Variants in SCN11A observed in about 807,000 individuals in gnomAD.
The protein encoded by SCN11A is sodium voltage-gated channel alpha subunit 11.
A neutral mutation model predicts 162.2 loss-of-function variants in SCN11A; 122 were observed. That is an observed-to-expected ratio of 0.75 (90% CI 0.65 to 0.87). SCN11A has a LOEUF of 0.87. SCN11A is among the 40% of genes least tolerant of loss of function. The pLI, the probability that SCN11A is intolerant of heterozygous loss-of-function variation, is 0.00. For synonymous variants in SCN11A, 758 were observed against 751.5 expected, an observed-to-expected ratio of 1.01 and a Z score of -0.14; for missense variants, 2,015 against 2,181.6, an observed-to-expected ratio of 0.92 and a Z score of 1.52.
intron 12 of SCN11A, among the ~76,000 whole-genome samples, chr3:38,909,701 T>C (rs1386367736): frequency 6.6e-6 from 1 of 150,854 alleles, no homozygotes. Context: ...TCCTGCCTCA[T>C]CTTTCCAAGT....
chr3:38,900,583 A>G lies in SCN11A; in HGVS notation c.1843-510T>C, dbSNP rs545673869. Among the ~76,000 whole-genome samples, 663 of 151,872 alleles carry G rather than the reference A, an allele frequency of 4.4e-3. 4 individuals are homozygous for G. Among genetic ancestry groups the G allele is most frequent in the Non-Finnish European group, 5.6e-3 (379 of 67,972 alleles). ...GATCAGAAAAATTAAAAATAAAAAC[A>G]AAAAAGGGGCACAGATCATAGAATT... On this transcript the variant is annotated intron_variant, in intron 16 of 29. Coordinates refer to ENST00000302328, the MANE Select transcript of SCN11A (RefSeq NM_001349253.2).
chr3:38,945,566 T>C, intron 6 of SCN11A, 54 bp from the exon 7 acceptor site: 2 of 1,292,860 alleles, frequency 1.5e-6, no homozygotes, highest in Non-Finnish European at 2.1e-6. Flanking sequence ...CATCATTAGC[T>C]ACTGGGTAAG....
intron 29 of SCN11A, chr3:38,849,230 C>T (rs1247909553): frequency 6.8e-6 from 1 of 146,430 alleles, no homozygotes; most frequent in Non-Finnish European, 1.5e-5. Context: ...AGGGCCTCCC[C>T]AGACATCTGA....
intron 5 of SCN11A, among the ~76,000 whole-genome samples, chr3:38,949,548 A>C (rs1438131094): frequency 6.6e-6 from 1 of 152,218 alleles, no homozygotes; most frequent in African/African-American, 2.4e-5. Flanking sequence ...TAGCCTAGAA[A>C]GCCTATTATC....
At chr3:38,872,142 T>C in intron 24 of SCN11A, 51 bp downstream of exon 24, 1 of 1,096,594 alleles carries the variant, frequency 9.1e-7, no homozygotes, top group Non-Finnish European at 1.4e-6. Flanking sequence ...TGTTGGTCTT[T>C]CCACCTTTCT....
chr3:39,000,236 A>G (rs1302730696), intron 2 of SCN11A, among the ~76,000 whole-genome samples: 4 of 152,188 alleles, frequency 2.6e-5, no homozygotes, highest in African/African-American at 9.7e-5. Flanking sequence ...TTAGCTTTGT[A>G]AGAGCTGACA....
intron 7 of SCN11A, among the ~76,000 whole-genome samples, chr3:38,927,803 G>A (rs904918077): frequency 1.3e-5 from 2 of 152,130 alleles, no homozygotes; most frequent in Non-Finnish European, 2.9e-5. Context: ...TAGCATGGGG[G>A]AAACCCTCGC....
chr3:38,870,805 T>C (rs376082229), intron 25 of SCN11A, 61 bp from the exon 26 acceptor site: 3 of 1,487,290 alleles, frequency 2.0e-6, no homozygotes, highest in African/African-American at 2.8e-5. Flanking sequence ...AACAGATACA[T>C]GGCATGGAAA....
intron 2 of SCN11A, among the ~76,000 whole-genome samples, chr3:38,985,294 AT>A (rs898413903): frequency 2.0e-5 from 3 of 148,682 alleles, no homozygotes; most frequent in African/African-American, 2.5e-5. Flanking sequence ...CGCCCGGCTA[AT>A]TTTTTTTTGT....
intron 2 of SCN11A, among the ~76,000 whole-genome samples, chr3:38,970,087 T>C (rs944185012): frequency 2.6e-5 from 4 of 151,118 alleles, no homozygotes; most frequent in Non-Finnish European, 4.4e-5. Context: ...CAGGAAAGCA[T>C]TAGTGAGCAT....
At position 38,908,850 on chromosome 3, in the gene SCN11A, G is replaced by A. The variant is rs73828707; in HGVS notation, c.1299+147C>T. ...AAAGATAGCAGCACAGCCATTCTTC[G>A]AGGGACTTATATTCTCAGAAAAGCA... On this transcript the variant is annotated intron_variant, in intron 13 of 29. Transcript: ENST00000302328. 5.1e-3 allele frequency: 3,533 copies of A among 695,402 alleles called. 93 individuals are homozygous for A. In the African/African-American group the frequency reaches 0.057, roughly 11 times the overall value. The allele number at this position is 695,402 out of a possible 1,614,324, so 43.1% of individuals were successfully genotyped here.
Position 38,904,001 on chromosome 3 carries a change from A to G in SCN11A, c.1706T>C (p.Val569Ala). Residue 569 changes from valine (V) to alanine (A), a missense_variant, in exon 16 of 30, where the codon GTC becomes GCC. By Grantham distance (64) the Val-to-Ala change is moderately conservative (BLOSUM62 0). Coordinates refer to ENST00000302328, the MANE Select transcript of SCN11A (RefSeq NM_001349253.2). ...CCPQWLCVKKVLRTVMTDPFT... is the reference protein window; with the variant it reads ...CCPQWLCVKKALRTVMTDPFT... ...CGGGTCAGTCATCACAGTTCTCAGG[A>G]CCTTCTTAACGCACAGCCACTGGGG... 2 of 1,613,668 alleles carry G rather than the reference A, an allele frequency of 1.2e-6. No individual in the cohort carries two copies. The highest frequency in any genetic ancestry group is 1.7e-6 in the Non-Finnish European group (2 of 1,179,872).
rs544690209 is a variant in SCN11A, at chr3:38,847,057, G to A, written c.5013C>T (p.Asp1671=). The A allele has an allele frequency of 1.9e-6, 3 of 1,614,120 alleles. No individual in the cohort carries two copies. The highest frequency in any genetic ancestry group is 2.7e-5 in the African/African-American group (2 of 75,020). ...KPNKYQFLVM[D]LPMVSEDRLH... ...GGCGATCTTCACTCACCATGGGCAAGTCCATTACTAGAAATTGATATTTAT... is the reference window on the plus strand; with the variant it reads ...GGCGATCTTCACTCACCATGGGCAAATCCATTACTAGAAATTGATATTTAT... Residue 1671 remains aspartate, a synonymous_variant, in exon 30 of 30, where the codon GAC becomes GAT. Coordinates refer to ENST00000302328, the MANE Select transcript of SCN11A (RefSeq NM_001349253.2).
At chr3:38,933,255 A>G (rs1392134029) in intron 7 of SCN11A, among the ~76,000 whole-genome samples, 6 of 152,204 alleles carry the variant, frequency 3.9e-5, no homozygotes, top group African/African-American at 1.4e-4. Context: ...AAAAGTAGGT[A>G]AAACCACAAA....
chr3:38,978,730 A>T (rs1489860310), intron 2 of SCN11A, among the ~76,000 whole-genome samples: 1 of 152,208 alleles, frequency 6.6e-6, no homozygotes, highest in East Asian at 1.9e-4. Context: ...AAATTTAAAC[A>T]TGATAAGGAA....
intron 2 of SCN11A, among the ~76,000 whole-genome samples, chr3:38,961,014 G>A (rs1268475149): frequency 6.6e-6 from 1 of 152,020 alleles, no homozygotes; most frequent in African/African-American, 2.4e-5. Context: ...TTTATTCCTG[G>A]GGAAAATTTA....
At chr3:38,985,444 A>C (rs1559564614) in intron 2 of SCN11A, among the ~76,000 whole-genome samples, 1 of 150,842 alleles carries the variant, frequency 6.6e-6, no homozygotes, top group Non-Finnish European at 1.5e-5. Flanking sequence ...GGCTGTCTTA[A>C]GAATCAACTG....
intron 2 of SCN11A, among the ~76,000 whole-genome samples, chr3:39,018,686 C>T (rs896201391): frequency 7.2e-5 from 11 of 151,972 alleles, no homozygotes; most frequent in Non-Finnish European, 1.0e-4. Flanking sequence ...GGTGTGGTGG[C>T]GGGCACCTGT....
chr3:38,976,980 T>C (rs1287121317), intron 2 of SCN11A, among the ~76,000 whole-genome samples: 1 of 152,206 alleles, frequency 6.6e-6, no homozygotes. Context: ...TATTTTAATA[T>C]CAAATACTGC....
Sources: gnomAD v4.1 joint callset for allele counts (sites outside exome capture counted in the v4.1 genomes callset) on GRCh38, gnomAD v4.1.1 for gene constraint, MANE v1.5 for transcripts, NCBI Gene and HGNC (gene_info 2026-07-23, HGNC 2026-07-21) for gene names.